COG6: variants seen among roughly 807,000 people sequenced by gnomAD.
COG6 encodes component of oligomeric golgi complex 6.
COG6 carries 74 observed loss-of-function variants against 88.8 expected under a neutral mutation model. The ratio of observed to expected loss-of-function variants is 0.83; its 90% CI spans 0.69 to 1.01. COG6 has a LOEUF of 1.01. Among genes scored for constraint, COG6 ranks in the 50% least tolerant of loss-of-function variants. The pLI, the probability that COG6 is intolerant of heterozygous loss-of-function variation, is 0.00. For synonymous variants in COG6, 286 were observed against 278.7 expected (o/e 1.03, Z -0.26); for missense variants, 800 against 797.9 (o/e 1.00, Z -0.03).
chr13:39,751,421 C>G lies in COG6; in HGVS notation c.*328C>G, dbSNP rs1417400780. ...AGAATTTTTTTTTACAAGACTAGTT[C>G]TAAATTAACAGCTTATAAAAAATTT... On this transcript the variant is annotated 3_prime_UTR_variant, in exon 19 of 19. Transcript: ENST00000455146. 2 of 1,288,666 alleles carry G rather than the reference C, an allele frequency of 1.6e-6. No individual in the cohort carries two copies. The highest frequency in any genetic ancestry group is 1.0e-6 in the Non-Finnish European group (1 of 986,544). 79.8% of individuals were successfully genotyped at this position (1,288,666 alleles called of 1,614,324 possible). A position where few individuals can be genotyped will look rare whatever the true frequency, so the allele number is the denominator to read the frequency against.
chr13:39,782,516 T>C (rs997707308), intron 18 of COG6, among the ~76,000 whole-genome samples: 1 of 152,166 alleles, frequency 6.6e-6, no homozygotes, highest in African/African-American at 2.4e-5. Context: ...CCTCCCTAAA[T>C]ACTGTGTGCC....
intron 18 of COG6, among the ~76,000 whole-genome samples, chr13:39,743,004 A>G (rs967291966): frequency 7.2e-5 from 11 of 152,202 alleles, no homozygotes; most frequent in African/African-American, 2.7e-4. Flanking sequence ...CTGAATGACT[A>G]CTGGGTACAT....
exon 19 of COG6, chr13:39,788,358 C>A: frequency 6.4e-7 from 1 of 1,551,760 alleles, no homozygotes; most frequent in Non-Finnish European, 8.7e-7. Context: ...GGCCCATGAT[C>A]ATCTTGTAAC....
At position 39,719,320 on chromosome 13, in the gene COG6, G is replaced by A. The variant is rs571537639; in HGVS notation, c.1369G>A (p.Asp457Asn). The A allele has an allele frequency of 3.1e-6, 5 of 1,612,666 alleles. No homozygotes were observed. The South Asian group carries it at 3.3e-5, about 11-fold the overall frequency. Reference sequence around the variant, plus strand: ...GCTGCGTGAAGTTTTAGCATCTCACGATTCTTCAGTTGTACCATTAGATGC... The same window carrying A: ...GCTGCGTGAAGTTTTAGCATCTCACAATTCTTCAGTTGTACCATTAGATGC... ...MLLREVLASHDSSVVPLDARQ... is the reference protein window; with the variant it reads ...MLLREVLASHNSSVVPLDARQ... Residue 457 changes from aspartate to asparagine, a missense_variant, in exon 14 of 19, where the codon GAT (aspartate) becomes AAT (asparagine). Transcript: ENST00000455146.
At chr13:39,779,004 G>T (rs1881549992) in intron 18 of COG6, among the ~76,000 whole-genome samples, 1 of 152,192 alleles carries the variant, frequency 6.6e-6, no homozygotes, top group Non-Finnish European at 1.5e-5. Flanking sequence ...TCTAAGTCTG[G>T]TTCAAATCAA....
rs531920993 is a variant in COG6 at position 39,661,885 on chromosome 13, T to C, written c.369+1004T>C. 6.1e-4 allele frequency among the ~76,000 whole-genome samples: 92 copies of C among 151,834 alleles called. 1 individual carries two copies. Among genetic ancestry groups the C allele is most frequent in the African/African-American group, 2.0e-3 (85 of 41,538 alleles). ...TAATGCCTTTTCTCAAATTATACTT[T>C]ATAAGGTTTTCTATATTGTACTTTT... On this transcript the variant is annotated intron_variant, in intron 3 of 18. Transcript: ENST00000455146.
intron 13 of COG6, among the ~76,000 whole-genome samples, chr13:39,700,171 C>T (rs1454332827): frequency 6.6e-6 from 1 of 151,836 alleles, no homozygotes; most frequent in Non-Finnish European, 1.5e-5. Context: ...AAGGAATAGA[C>T]TTACAATGAT....
chr13:39,692,176 A>G (rs996531578), intron 11 of COG6, among the ~76,000 whole-genome samples: 1 of 152,040 alleles, frequency 6.6e-6, no homozygotes, highest in African/African-American at 2.4e-5. Flanking sequence ...TTAAGATTGC[A>G]TATGTTGTGT....
At chr13:39,757,925 TAA>T (rs962741525) in intron 18 of COG6, among the ~76,000 whole-genome samples, 1 of 151,894 alleles carries the variant, frequency 6.6e-6, no homozygotes, top group Non-Finnish European at 1.5e-5. Flanking sequence ...AATTCAACAA[TAA>T]AAAGACAACC....
At chr13:39,703,269 T>TA (rs975841594) in intron 13 of COG6, among the ~76,000 whole-genome samples, 3 of 151,488 alleles carry the variant, frequency 2.0e-5, no homozygotes, top group South Asian at 2.1e-4. Flanking sequence ...TAATGGACAT[T>TA]AAAAAAAAAT....
At chr13:39,694,253 A>G (rs550437013) in intron 11 of COG6, among the ~76,000 whole-genome samples, 5 of 151,998 alleles carry the variant, frequency 3.3e-5, no homozygotes, top group Admixed American at 2.6e-4. Flanking sequence ...TTGAATATTT[A>G]GCAATAAAGC....
chr13:39,745,012 T>C (rs1880263562), intron 18 of COG6, among the ~76,000 whole-genome samples: 2 of 152,324 alleles, frequency 1.3e-5, no homozygotes, highest in South Asian at 4.1e-4. Context: ...ATTTAATAAA[T>C]GGTACTGGGA....
chr13:39,723,690 C>T (rs899948495), intron 16 of COG6, among the ~76,000 whole-genome samples: 60 of 151,810 alleles, frequency 4.0e-4, no homozygotes, highest in African/African-American at 1.1e-3. Context: ...GGTAGAGTGC[C>T]CCACAGTATT....
At chr13:39,691,517 A>C (rs550312816) in intron 11 of COG6, among the ~76,000 whole-genome samples, 6 of 151,978 alleles carry the variant, frequency 3.9e-5, no homozygotes, top group African/African-American at 1.4e-4. Context: ...AGAAACTTCA[A>C]ATCTTTCCAT....
At chr13:39,675,899 G>T (rs1875936917) in intron 4 of COG6, among the ~76,000 whole-genome samples, 1 of 151,814 alleles carries the variant, frequency 6.6e-6, no homozygotes, top group South Asian at 2.1e-4. Context: ...ACCTGTTAAG[G>T]TAACTCTTTA....
intron 3 of COG6, among the ~76,000 whole-genome samples, chr13:39,662,644 C>T (rs1169475130): frequency 3.3e-5 from 5 of 152,124 alleles, no homozygotes; most frequent in Admixed American, 3.3e-4. Context: ...ATTTTTATCA[C>T]ATATAAAAGA....
At chr13:39,776,956 C>T (rs1326495243) in intron 18 of COG6, among the ~76,000 whole-genome samples, 1 of 152,124 alleles carries the variant, frequency 6.6e-6, no homozygotes, top group African/African-American at 2.4e-5. Flanking sequence ...CAGCTTTTCT[C>T]TCTTTAGTTG....
intron 18 of COG6, among the ~76,000 whole-genome samples, chr13:39,770,098 A>G (rs1184705718): frequency 2.0e-5 from 3 of 152,216 alleles, no homozygotes; most frequent in South Asian, 4.1e-4. Flanking sequence ...TTAGAAATCA[A>G]TATCGGGAAG....
rs141224881 is a variant in COG6 at position 39,706,215 on chromosome 13, T to TTATATA, written c.1284+6606_1284+6611dup. ...ACACTTCTTTTATATATATACTCCT[T>TTATATA]TATATATATATATACTCCTTTATAT... On this transcript the variant is annotated intron_variant, in intron 13 of 18. Transcript: ENST00000455146. 6.3e-5 allele frequency among the ~76,000 whole-genome samples: 8 copies of TTATATA among 126,728 alleles called. No individual in the cohort carries two copies. In the South Asian group the frequency reaches 1.3e-3, roughly 21 times the overall value. 83.1% of individuals were successfully genotyped at this position (126,728 alleles called of 152,430 possible). A position where few individuals can be genotyped will look rare whatever the true frequency, so the allele number is the denominator to read the frequency against.
Sources: gnomAD v4.1 joint callset for allele counts (sites outside exome capture counted in the v4.1 genomes callset) on GRCh38, gnomAD v4.1.1 for gene constraint, MANE v1.5 for transcripts, NCBI Gene and HGNC (gene_info 2026-07-23, HGNC 2026-07-21) for gene names.